The following KCNK2 variants were observed in gnomAD, a reference collection of about 807,000 sequenced individuals.
KCNK2 encodes potassium channel subfamily K member 2.
In KCNK2, 21 loss-of-function variants were observed where a neutral mutation model predicts 40.5. The observed-to-expected ratio is 0.52, with a 90% CI of 0.37 to 0.75. The LOEUF (loss-of-function observed/expected upper bound fraction) is 0.75. Ranked by LOEUF, KCNK2 falls within the 30% of genes least tolerant of loss-of-function variation. KCNK2 has a pLI of 0.00. For missense variants in KCNK2, 399 were observed against 531.6 expected, an observed-to-expected ratio of 0.75 and a Z score of 2.45; for synonymous variants, 191 against 202.2, an observed-to-expected ratio of 0.94 and a Z score of 0.47.
At chr1:215,160,629 T>C (rs924849427) in intron 3 of KCNK2, among the ~76,000 whole-genome samples, 3 of 152,180 alleles carry the variant, frequency 2.0e-5, no homozygotes, top group Non-Finnish European at 2.9e-5. Context: ...TTCTCTTCTT[T>C]TTTAGCTTGC....
At chr1:215,147,054 T>G (rs1444682498) in intron 3 of KCNK2, among the ~76,000 whole-genome samples, 2 of 152,226 alleles carry the variant, frequency 1.3e-5, no homozygotes, top group South Asian at 4.1e-4. Flanking sequence ...CTAGAAGAGA[T>G]AAATCTAATC....
At chr1:215,055,791 A>G (rs1340249973) in intron 1 of KCNK2, among the ~76,000 whole-genome samples, 1 of 152,172 alleles carries the variant, frequency 6.6e-6, no homozygotes, top group Non-Finnish European at 1.5e-5. Context: ...CTTTTGATGT[A>G]CTTGAGAAAT....
intron 2 of KCNK2, 63 bp from the exon 3 acceptor site, chr1:215,124,570 A>G: frequency 1.1e-6 from 1 of 910,990 alleles, no homozygotes; most frequent in Non-Finnish European, 1.8e-6. Context: ...GGGGTGGAAT[A>G]TATGCTGTTT....
At chr1:215,217,338 A>G (rs891863914) in intron 6 of KCNK2, among the ~76,000 whole-genome samples, 13 of 152,196 alleles carry the variant, frequency 8.5e-5, no homozygotes, top group South Asian at 2.1e-4. Flanking sequence ...ATCTGCTTAA[A>G]CCATGTTGAA....
chr1:215,159,088 G>A (rs1386493672), intron 3 of KCNK2, among the ~76,000 whole-genome samples: 1 of 152,154 alleles, frequency 6.6e-6, no homozygotes, highest in African/African-American at 2.4e-5. Context: ...CTTCATGCAA[G>A]CTTTCTAGGC....
chr1:215,010,631 T>C (rs781202930), intron 1 of KCNK2, among the ~76,000 whole-genome samples: 10 of 152,140 alleles, frequency 6.6e-5, no homozygotes, highest in Non-Finnish European at 1.3e-4. Flanking sequence ...TAGGCTGCTT[T>C]TGTTCTTTTG....
intron 6 of KCNK2, among the ~76,000 whole-genome samples, chr1:215,230,303 C>T (rs1010046907): frequency 2.0e-5 from 3 of 150,120 alleles, no homozygotes; most frequent in Non-Finnish European, 4.4e-5. Flanking sequence ...ATCTTTACGG[C>T]ATGTTACTGT....
rs902723623 is a variant in KCNK2 at position 215,083,003 on chromosome 1, T to TGGCGGCGGC, written c.-362_-354dup. ...AGCGAGCAGCCCGGGGCTGAGCGCG[T>TGGCGGCGGC]GGCGGCGGCGGCGGCGGCGGCGGCG... On this transcript the variant is annotated 5_prime_UTR_variant, in exon 1 of 7. Transcript: ENST00000444842. 2.1e-4 allele frequency: 32 copies of TGGCGGCGGC among 154,498 alleles called. No homozygotes were observed. Among genetic ancestry groups the TGGCGGCGGC allele is most frequent in the African/African-American group, 4.7e-4 (19 of 40,594 alleles). 9.6% of individuals were successfully genotyped at this position (154,498 alleles called of 1,614,324 possible). A position where few individuals can be genotyped will look rare whatever the true frequency, so the allele number is the denominator to read the frequency against.
intron 6 of KCNK2, among the ~76,000 whole-genome samples, chr1:215,224,320 G>T (rs951304416): frequency 1.2e-4 from 19 of 152,052 alleles, no homozygotes; most frequent in African/African-American, 4.6e-4. Flanking sequence ...ACATGAAACG[G>T]ACTCTGGACG....
intron 2 of KCNK2, among the ~76,000 whole-genome samples, chr1:215,099,191 A>C (rs1190134009): frequency 6.6e-6 from 1 of 151,724 alleles, no homozygotes; most frequent in Non-Finnish European, 1.5e-5. Context: ...GATCGGCCCT[A>C]GTGTGTGTTA....
chr1:215,090,846 A>G (rs1370358878), intron 2 of KCNK2, among the ~76,000 whole-genome samples: 1 of 152,198 alleles, frequency 6.6e-6, no homozygotes, highest in African/African-American at 2.4e-5. Flanking sequence ...TCAGGTCTAG[A>G]TCTTCAGAGT....
chr1:215,204,859 G>T (rs1306211979), intron 6 of KCNK2, among the ~76,000 whole-genome samples: 2 of 152,128 alleles, frequency 1.3e-5, no homozygotes, highest in Non-Finnish European at 2.9e-5. Context: ...ATCATCTTTT[G>T]CAACAAAGTA....
rs190445312 is a variant in KCNK2, at chr1:215,181,723, T to C, written c.823+9540T>C. Among the ~76,000 whole-genome samples the C allele has an allele frequency of 2.4e-3, 373 of 152,306 alleles. 2 individuals are homozygous for C. Among genetic ancestry groups the C allele is most frequent in the African/African-American group, 8.0e-3 (332 of 41,570 alleles). On this transcript the variant is annotated intron_variant, in intron 5 of 6. Coordinates refer to ENST00000444842, the MANE Select transcript of KCNK2 (RefSeq NM_001017425.3). ...CTTATAAGCCAGTAGATGGCACTTATGGGTAAGAGCCAGCTGTGGCCAGTG... is the reference window on the plus strand; with the variant it reads ...CTTATAAGCCAGTAGATGGCACTTACGGGTAAGAGCCAGCTGTGGCCAGTG...
rs1656870008 is a variant in KCNK2, at chr1:215,023,210, A to AT, written c.34+17257dup. 5.3e-5 allele frequency among the ~76,000 whole-genome samples: 8 copies of AT among 152,142 alleles called. No individual in the cohort carries two copies. The South Asian group carries it at 1.5e-3, about 28-fold the overall frequency. On this transcript the variant is annotated intron_variant, in intron 1 of 6. Coordinates refer to the KCNK2 transcript ENST00000391895. The stretch of plus-strand genomic sequence containing the variant: ...ACTTTCTCTAAGGCTTGTTATTATT[A>AT]TTATTTTTTTTGTATCTTTTTTTCC...
At chr1:215,101,854 TA>T (rs1660234941) in intron 2 of KCNK2, among the ~76,000 whole-genome samples, 1 of 152,000 alleles carries the variant, frequency 6.6e-6, no homozygotes, top group South Asian at 2.1e-4. Flanking sequence ...CTAGTCATAT[TA>T]AAGTATTGCA....
chr1:215,116,792 G>T (rs997313550), intron 2 of KCNK2, among the ~76,000 whole-genome samples: 1 of 151,544 alleles, frequency 6.6e-6, no homozygotes, highest in African/African-American at 2.4e-5. Flanking sequence ...AATATATTTT[G>T]ACTCATATTT....
intron 2 of KCNK2, among the ~76,000 whole-genome samples, chr1:215,092,969 TTGA>T (rs1348596405): frequency 6.6e-6 from 1 of 152,060 alleles, no homozygotes; most frequent in African/African-American, 2.4e-5. Context: ...GAAATTTGAG[TTGA>T]TTATTAGGAC....
At chr1:215,131,598 A>G (rs1413069033) in intron 3 of KCNK2, among the ~76,000 whole-genome samples, 2 of 150,646 alleles carry the variant, frequency 1.3e-5, no homozygotes, top group Non-Finnish European at 3.0e-5. Flanking sequence ...TCTCCAGTGG[A>G]AAGTAAACTG....
chr1:215,044,146 A>G (rs1167616440), intron 1 of KCNK2, among the ~76,000 whole-genome samples: 1 of 152,214 alleles, frequency 6.6e-6, no homozygotes, highest in African/African-American at 2.4e-5. Flanking sequence ...TATGGAAAAG[A>G]ACCATATACT....
Sources: gnomAD v4.1 joint callset for allele counts (sites outside exome capture counted in the v4.1 genomes callset) on GRCh38, gnomAD v4.1.1 for gene constraint, MANE v1.5 for transcripts, NCBI Gene and HGNC (gene_info 2026-07-23, HGNC 2026-07-21) for gene names.